Variants in DSCAM observed in about 807,000 individuals in gnomAD.
DSCAM encodes the protein cell adhesion molecule DSCAM.
DSCAM carries 47 observed loss-of-function variants against 217.7 expected under a neutral mutation model. That is an observed-to-expected ratio of 0.22 (90% CI 0.17 to 0.28). The LOEUF is 0.28. DSCAM is among the 10% of genes least tolerant of loss of function. The pLI is 1.00. For missense variants in DSCAM, 2,080 were observed against 2,618.3 expected, an observed-to-expected ratio of 0.79 and a Z score of 4.49; for synonymous variants, 1,056 against 1,015.3, an observed-to-expected ratio of 1.04 and a Z score of -0.76.
chr21:40,359,492 T>G (rs1217281520), intron 4 of DSCAM, among the ~76,000 whole-genome samples: 1 of 152,190 alleles, frequency 6.6e-6, no homozygotes, highest in Non-Finnish European at 1.5e-5. Flanking sequence ...CCTAAATGAA[T>G]GAAAACATGT....
At chr21:40,646,603 CAGAAATAATGA>C (rs747700879) in intron 3 of DSCAM, among the ~76,000 whole-genome samples, 49 of 152,110 alleles carry the variant, frequency 3.2e-4, no homozygotes, top group Admixed American at 5.9e-4. Context: ...TTAGAGATGA[CAGAAATAATGA>C]CTTCCAACAT....
At chr21:40,705,505 TCA>T (rs1160518612) in intron 2 of DSCAM, among the ~76,000 whole-genome samples, 5 of 152,176 alleles carry the variant, frequency 3.3e-5, no homozygotes, top group African/African-American at 4.8e-5. Flanking sequence ...TTTAATTAAC[TCA>T]CAGTTTCAAC....
intron 19 of DSCAM, among the ~76,000 whole-genome samples, chr21:40,130,108 C>T (rs1318889373): frequency 6.6e-6 from 1 of 152,150 alleles, no homozygotes. Context: ...GATACATATG[C>T]AAAGTTTACT....
At chr21:40,761,762 C>A (rs1037586907) in intron 1 of DSCAM, among the ~76,000 whole-genome samples, 1 of 152,182 alleles carries the variant, frequency 6.6e-6, no homozygotes, top group Non-Finnish European at 1.5e-5. Context: ...TTTCAGGGAT[C>A]ATTTCTATAG....
At chr21:40,328,888 C>T (rs190608394) in intron 8 of DSCAM, among the ~76,000 whole-genome samples, 2 of 152,170 alleles carry the variant, frequency 1.3e-5, no homozygotes, top group East Asian at 3.9e-4. Flanking sequence ...AGAAGACATA[C>T]ATGGCTAACA....
intron 8 of DSCAM, among the ~76,000 whole-genome samples, chr21:40,337,621 G>A (rs890983933): frequency 5.3e-5 from 8 of 152,052 alleles, no homozygotes; most frequent in Non-Finnish European, 1.0e-4. Context: ...AACGTTCTGT[G>A]GCATCCTTTA....
chr21:40,765,888 G>A (rs2091383617), intron 1 of DSCAM, among the ~76,000 whole-genome samples: 1 of 152,140 alleles, frequency 6.6e-6, no homozygotes, highest in Non-Finnish European at 1.5e-5. Context: ...TCTCACATGT[G>A]GCTGGTCAGC....
At chr21:40,177,871 G>A (rs776147197) in intron 15 of DSCAM, among the ~76,000 whole-genome samples, 2 of 152,202 alleles carry the variant, frequency 1.3e-5, no homozygotes, top group Non-Finnish European at 2.9e-5. Flanking sequence ...CTTGAAAGTT[G>A]CAACAAACCT....
intron 9 of DSCAM, among the ~76,000 whole-genome samples, chr21:40,302,924 A>G (rs2074032476): frequency 6.6e-6 from 1 of 152,194 alleles, no homozygotes; most frequent in Admixed American, 6.5e-5. Context: ...ATAATAAGAC[A>G]GGCATTTTTC....
intron 3 of DSCAM, among the ~76,000 whole-genome samples, chr21:40,446,435 T>C (rs1394490151): frequency 1.3e-5 from 2 of 152,196 alleles, no homozygotes; most frequent in Non-Finnish European, 2.9e-5. Context: ...TGGAAATCTT[T>C]ACTGCATACA....
At chr21:40,792,542 C>T (rs1318833870) in intron 1 of DSCAM, among the ~76,000 whole-genome samples, 1 of 152,188 alleles carries the variant, frequency 6.6e-6, no homozygotes, top group Admixed American at 6.5e-5. Context: ...TAGGAGTTTA[C>T]AGCTTCAGCA....
At chr21:40,532,957 G>A (rs1013020080) in intron 3 of DSCAM, among the ~76,000 whole-genome samples, 1 of 151,518 alleles carries the variant, frequency 6.6e-6, no homozygotes, top group African/African-American at 2.4e-5. Context: ...CATTTCACAG[G>A]GCCCCAGGGA....
At chr21:40,764,129 A>C (rs1013387953) in intron 1 of DSCAM, among the ~76,000 whole-genome samples, 3 of 152,210 alleles carry the variant, frequency 2.0e-5, no homozygotes, top group African/African-American at 7.2e-5. Flanking sequence ...CAGCTCAGCA[A>C]AAGAAACTAT....
chr21:40,761,161 AC>A (rs1480954158), intron 1 of DSCAM, among the ~76,000 whole-genome samples: 1 of 152,174 alleles, frequency 6.6e-6, no homozygotes, highest in Non-Finnish European at 1.5e-5. Flanking sequence ...CAAGTAGTGG[AC>A]TTTATCATCC....
At chr21:40,668,386 A>C (rs2090228751) in intron 3 of DSCAM, among the ~76,000 whole-genome samples, 1 of 152,198 alleles carries the variant, frequency 6.6e-6, no homozygotes, top group African/African-American at 2.4e-5. Flanking sequence ...CATAAAACTC[A>C]CTTGGAAAGT....
At chr21:40,351,683 A>G (rs1042143072) in intron 5 of DSCAM, among the ~76,000 whole-genome samples, 1 of 152,242 alleles carries the variant, frequency 6.6e-6, no homozygotes, top group African/African-American at 2.4e-5. Context: ...GGAGGCAGAG[A>G]ATATTCCAGA....
intron 1 of DSCAM, among the ~76,000 whole-genome samples, chr21:40,833,051 G>A (rs775623855): frequency 1.2e-4 from 18 of 152,140 alleles, no homozygotes; most frequent in Middle Eastern, 3.4e-3. Context: ...AAAATAAACC[G>A]AGAACACCCC....
chr21:40,749,039 T>C (rs1206359666), intron 1 of DSCAM, among the ~76,000 whole-genome samples: 4 of 152,080 alleles, frequency 2.6e-5, no homozygotes, highest in African/African-American at 4.8e-5. Context: ...TGCAGAAGAA[T>C]GTAACTAGAT....
chr21:40,772,061 CAG>C (rs914327711), intron 1 of DSCAM, among the ~76,000 whole-genome samples: 4 of 151,118 alleles, frequency 2.6e-5, no homozygotes, highest in African/African-American at 7.2e-5. Context: ...GGAATTGACA[CAG>C]AATTTTCATA....
Sources: gnomAD v4.1 joint callset for allele counts (sites outside exome capture counted in the v4.1 genomes callset) on GRCh38, gnomAD v4.1.1 for gene constraint, MANE v1.5 for transcripts, NCBI Gene and HGNC (gene_info 2026-07-23, HGNC 2026-07-21) for gene names.